FARS2: variants seen among roughly 807,000 people sequenced by gnomAD.
FARS2 encodes the protein phenylalanine--tRNA ligase, mitochondrial.
In FARS2, 40 loss-of-function variants were observed where a neutral mutation model predicts 46.4. The ratio of observed to expected loss-of-function variants is 0.86; its 90% CI spans 0.67 to 1.12. The LOEUF (loss-of-function observed/expected upper bound fraction) is 1.12. FARS2 is among the 50% of genes most tolerant of loss of function. The probability of loss-of-function intolerance (pLI) is 0.00; values close to 1 mark genes in which losing one functional copy is unlikely to be tolerated. For missense variants in FARS2, 513 were observed against 567.9 expected (o/e 0.90, Z 0.98); for synonymous variants, 234 against 214.9 (o/e 1.09, Z -0.78).
At position 5,591,763 on chromosome 6, in the gene FARS2, A is replaced by G. The variant is rs17355011; in HGVS notation, c.1066-21406A>G. On this transcript the variant is annotated intron_variant, in intron 5 of 6. Transcript: ENST00000274680. ...CACTCTGTGATCCTCCCAACAGATC[A>G]TGATTGCGCTTTGGATTCCCATAGT... Among the ~76,000 whole-genome samples, 1,266 of 152,344 alleles carry G rather than the reference A, an allele frequency of 8.3e-3. 10 individuals are homozygous for G. The highest frequency in any genetic ancestry group is 0.019 in the South Asian group (94 of 4,826).
chr6:5,329,128 A>T lies in FARS2; in HGVS notation c.-21-39422A>T, dbSNP rs1290163666. 4.0e-5 allele frequency among the ~76,000 whole-genome samples: 6 copies of T among 149,346 alleles called. No homozygotes were observed. In the South Asian group the frequency reaches 8.5e-4, roughly 21 times the overall value. ...AGTCTCTGCTTAGTGTTGTTTCTAT[A>T]TTAAAAAAAAAAAAGAAACTGTGGC... On this transcript the variant is annotated intron_variant, in intron 1 of 6. Coordinates refer to ENST00000274680, the MANE Select transcript of FARS2 (RefSeq NM_006567.5).
intron 6 of FARS2, among the ~76,000 whole-genome samples, chr6:5,734,743 A>G (rs1011098219): frequency 2.6e-5 from 4 of 152,368 alleles, no homozygotes; most frequent in African/African-American, 7.2e-5. Flanking sequence ...ACAGTTCATT[A>G]GAGCCTGGAG....
intron 4 of FARS2, among the ~76,000 whole-genome samples, chr6:5,447,310 C>T (rs924143356): frequency 6.6e-6 from 1 of 152,164 alleles, no homozygotes; most frequent in Non-Finnish European, 1.5e-5. Flanking sequence ...GGACCACCTT[C>T]TTGGCATGAG....
chr6:5,705,267 C>T (rs958586509), intron 6 of FARS2, among the ~76,000 whole-genome samples: 1 of 152,110 alleles, frequency 6.6e-6, no homozygotes, highest in Non-Finnish European at 1.5e-5. Flanking sequence ...TCCCAGGTAG[C>T]GAAATATTAG....
intron 1 of FARS2, among the ~76,000 whole-genome samples, chr6:5,307,302 A>G (rs1768777751): frequency 6.6e-6 from 1 of 152,148 alleles, no homozygotes; most frequent in Non-Finnish European, 1.5e-5. Flanking sequence ...CACTCAGTGG[A>G]GGCCAGGCCT....
intron 5 of FARS2, among the ~76,000 whole-genome samples, chr6:5,600,430 AC>A (rs2150631439): frequency 6.6e-6 from 1 of 152,376 alleles, no homozygotes; most frequent in Admixed American, 6.5e-5. Flanking sequence ...AAGAATAAAA[AC>A]AAAAATTGGA....
intron 4 of FARS2, among the ~76,000 whole-genome samples, chr6:5,503,015 A>T (rs189727387): frequency 7.8e-4 from 118 of 152,236 alleles, no homozygotes; most frequent in Non-Finnish European, 1.5e-3. Context: ...CAAAAAGCTC[A>T]ATGTTTATGA....
At chr6:5,674,963 C>A (rs1016084327) in intron 6 of FARS2, among the ~76,000 whole-genome samples, 12 of 152,116 alleles carry the variant, frequency 7.9e-5, no homozygotes, top group African/African-American at 2.7e-4. Context: ...AGGCTGAGGC[C>A]AGACTGTAGT....
chr6:5,473,327 C>T (rs1215358409), intron 4 of FARS2, among the ~76,000 whole-genome samples: 1 of 151,804 alleles, frequency 6.6e-6, no homozygotes, highest in African/African-American at 2.4e-5. Context: ...GAGATTGAGA[C>T]CATCCTGGCT....
chr6:5,596,637 A>G (rs1774217524), intron 5 of FARS2, among the ~76,000 whole-genome samples: 1 of 152,220 alleles, frequency 6.6e-6, no homozygotes, highest in African/African-American at 2.4e-5. Context: ...CTAAAAAGCT[A>G]CTTTTCCAGA....
intron 5 of FARS2, among the ~76,000 whole-genome samples, chr6:5,578,808 CAAAAAAA>C (rs56248218): frequency 4.0e-5 from 5 of 124,360 alleles, no homozygotes; most frequent in Admixed American, 1.7e-4. Flanking sequence ...CACTCCGTCT[CAAAAAAA>C]AAAAAAAAAA....
chr6:5,514,220 T>C (rs1301843199), intron 4 of FARS2, among the ~76,000 whole-genome samples: 1 of 152,152 alleles, frequency 6.6e-6, no homozygotes, highest in Non-Finnish European at 1.5e-5. Context: ...ATAAGTAATC[T>C]GCCAGCCACC....
At chr6:5,587,445 C>T (rs1363396735) in intron 5 of FARS2, among the ~76,000 whole-genome samples, 2 of 152,128 alleles carry the variant, frequency 1.3e-5, no homozygotes, top group Non-Finnish European at 2.9e-5. Context: ...GTAAGGTTTG[C>T]AAATAATTGA....
chr6:5,469,511 G>A (rs1270758804), intron 4 of FARS2, among the ~76,000 whole-genome samples: 1 of 152,202 alleles, frequency 6.6e-6, no homozygotes, highest in African/African-American at 2.4e-5. Context: ...GTACTTAGCT[G>A]TTAGTTGCCA....
chr6:5,460,591 G>T (rs80339568), intron 4 of FARS2, among the ~76,000 whole-genome samples: 1 of 152,100 alleles, frequency 6.6e-6, no homozygotes, highest in African/African-American at 2.4e-5. Context: ...TCAGGAGGCC[G>T]CCTCTGTGAC....
chr6:5,438,899 C>T (rs1463909102), intron 4 of FARS2, among the ~76,000 whole-genome samples: 4 of 152,142 alleles, frequency 2.6e-5, no homozygotes, highest in Non-Finnish European at 5.9e-5. Context: ...ATGTCTGGAT[C>T]GTCCTGTGAT....
At chr6:5,553,450 C>A (rs942699092) in intron 5 of FARS2, among the ~76,000 whole-genome samples, 2 of 152,054 alleles carry the variant, frequency 1.3e-5, no homozygotes, top group African/African-American at 4.8e-5. Flanking sequence ...CAGTGTTATA[C>A]GTGAGAAAGT....
At chr6:5,397,268 A>G (rs1207143715) in intron 2 of FARS2, among the ~76,000 whole-genome samples, 1 of 152,174 alleles carries the variant, frequency 6.6e-6, no homozygotes, top group African/African-American at 2.4e-5. Context: ...AACAGTGAAA[A>G]GAGCAGTGAT....
chr6:5,743,237 A>G (rs549866318), intron 6 of FARS2, among the ~76,000 whole-genome samples: 11 of 152,214 alleles, frequency 7.2e-5, no homozygotes, highest in Admixed American at 3.9e-4. Flanking sequence ...CTAAAATTCT[A>G]TTGATGGGCC....
Sources: gnomAD v4.1 joint callset for allele counts (sites outside exome capture counted in the v4.1 genomes callset) on GRCh38, gnomAD v4.1.1 for gene constraint, MANE v1.5 for transcripts, NCBI Gene and HGNC (gene_info 2026-07-23, HGNC 2026-07-21) for gene names.